Variants in EPRS1 observed in about 807,000 individuals in gnomAD.
The protein encoded by EPRS1 is glutamyl-prolyl-tRNA synthetase 1.
In EPRS1, 107 loss-of-function variants were observed where a neutral mutation model predicts 188.3. The ratio of observed to expected loss-of-function variants is 0.57; its 90% CI spans 0.49 to 0.67. The LOEUF is 0.67. Ranked by LOEUF, EPRS1 falls within the 30% of genes least tolerant of loss-of-function variation. EPRS1 has a pLI of 0.00. For synonymous variants in EPRS1, 596 were observed against 593.1 expected (o/e 1.00, Z -0.07); for missense variants, 1,577 against 1,802.2 (o/e 0.88, Z 2.26).
At chr1:220,030,575 G>A (rs558858728) in intron 5 of EPRS1, 95 bp from the exon 6 acceptor site, 9 of 820,362 alleles carry the variant, frequency 1.1e-5, no homozygotes, top group Non-Finnish European at 1.9e-5. Flanking sequence ...TACACACACT[G>A]GTTATGAAAA....
chr1:220,025,664 C>T (rs1661957301), intron 6 of EPRS1, among the ~76,000 whole-genome samples: 1 of 152,168 alleles, frequency 6.6e-6, no homozygotes, highest in Admixed American at 6.5e-5. Flanking sequence ...GAACTGGGTG[C>T]CCACCTATGC....
chr1:220,038,160 G>T (rs1662223259), intron 2 of EPRS1, among the ~76,000 whole-genome samples: 1 of 146,382 alleles, frequency 6.8e-6, no homozygotes, highest in South Asian at 2.1e-4. Context: ...TCAGCTCACT[G>T]CAACCTCCAC....
At chr1:220,004,032 ATGTT>A (rs1260432022) in intron 16 of EPRS1, among the ~76,000 whole-genome samples, 3 of 151,976 alleles carry the variant, frequency 2.0e-5, no homozygotes, top group South Asian at 2.1e-4. Context: ...ACTAACAACA[ATGTT>A]TGTTTGTTTT....
chr1:219,983,048 C>A, intron 22 of EPRS1, 141 bp downstream of exon 22: 1 of 753,568 alleles, frequency 1.3e-6, no homozygotes, highest in South Asian at 1.9e-5. Flanking sequence ...GTAACAAAAT[C>A]ATTACTTGCT....
chr1:220,029,718 G>A (rs1009802061), intron 6 of EPRS1, among the ~76,000 whole-genome samples: 3 of 152,192 alleles, frequency 2.0e-5, no homozygotes, highest in Non-Finnish European at 4.4e-5. Context: ...TTGGAAGGAC[G>A]CTATTATAAA....
At chr1:220,038,241 C>A (rs1336895548) in intron 2 of EPRS1, among the ~76,000 whole-genome samples, 2 of 151,806 alleles carry the variant, frequency 1.3e-5, no homozygotes, top group Admixed American at 6.6e-5. Context: ...CACAACCATG[C>A]CCGGCAAGTT....
Position 219,996,976 on chromosome 1 carries a change from T to C in EPRS1, c.2541+7A>G. The C allele has an allele frequency of 1.9e-6, 3 of 1,576,534 alleles. No homozygotes were observed. The highest frequency in any genetic ancestry group is 2.6e-6 in the Non-Finnish European group (3 of 1,165,876). ...AATGTGGTCTTGACTTTCTCTAACA[T>C]ACTGACCTTAGGGGATTTTTCAGCT... On this transcript the variant is annotated splice_region_variant and intron_variant, in intron 18 of 31. Transcript: ENST00000366923.
At chr1:220,038,795 A>G (rs1662240197) in intron 2 of EPRS1, among the ~76,000 whole-genome samples, 1 of 152,136 alleles carries the variant, frequency 6.6e-6, no homozygotes, top group South Asian at 2.1e-4. Flanking sequence ...AGGGAGCAAC[A>G]TTAAAGGAAG....
At chr1:219,997,449 A>G in intron 17 of EPRS1, 107 bp from the exon 18 acceptor site, 1 of 984,346 alleles carries the variant, frequency 1.0e-6, no homozygotes, top group East Asian at 2.7e-5. Flanking sequence ...TAAAAACAGA[A>G]ACTTTAAACT....
At chr1:220,031,584 G>C (rs1029672288) in intron 5 of EPRS1, among the ~76,000 whole-genome samples, 6 of 152,208 alleles carry the variant, frequency 3.9e-5, no homozygotes, top group African/African-American at 7.2e-5. Context: ...CTTTATCCAA[G>C]TAGACAGTAG....
chr1:220,032,059 C>T (rs563087466), intron 5 of EPRS1, among the ~76,000 whole-genome samples: 1 of 151,812 alleles, frequency 6.6e-6, no homozygotes, highest in Non-Finnish European at 1.5e-5. Flanking sequence ...GACCTAGGGC[C>T]TCAGACAGAC....
intron 30 of EPRS1, among the ~76,000 whole-genome samples, chr1:219,969,828 ATTT>A (rs570999239): frequency 6.6e-6 from 1 of 150,402 alleles, no homozygotes; most frequent in Non-Finnish European, 1.5e-5. Context: ...TTAAAAAAAA[ATTT>A]TTTTTTTGAG....
intron 5 of EPRS1, among the ~76,000 whole-genome samples, chr1:220,031,841 G>C (rs1662089059): frequency 6.6e-6 from 1 of 151,834 alleles, no homozygotes; most frequent in African/African-American, 2.4e-5. Context: ...AATTAATGAG[G>C]TTTTATTTAT....
chr1:220,011,075 C>A lies in EPRS1; in HGVS notation c.1495-19G>T. Reference sequence around the variant, plus strand: ...CAATAACCTGCAACAAATACATCCTCATGTTAAAACACTGCGATATCTTAT... The same window carrying A: ...CAATAACCTGCAACAAATACATCCTAATGTTAAAACACTGCGATATCTTAT... On this transcript the variant is annotated intron_variant, in intron 12 of 31. Coordinates refer to ENST00000366923, the MANE Select transcript of EPRS1 (RefSeq NM_004446.3). 1 of 1,333,172 alleles carries A rather than the reference C, an allele frequency of 7.5e-7. No individual in the cohort carries two copies. The highest frequency in any genetic ancestry group is 1.2e-5 in the South Asian group (1 of 85,168). 82.6% of individuals were successfully genotyped at this position (1,333,172 alleles called of 1,614,324 possible). A position where few individuals can be genotyped will look rare whatever the true frequency, so the allele number is the denominator to read the frequency against.
At position 220,018,471 on chromosome 1, in the gene EPRS1, T is replaced by C; in HGVS notation, c.1472A>G (p.Lys491Arg). Reference protein sequence around the residue: ...SRSVVNMEWDKIWAFNKKVID... With the variant: ...SRSVVNMEWDRIWAFNKKVID... Reference sequence around the variant, plus strand: ...TACCTTTTTGTTAAACGCCCAGATTTTGTCCCACTCCATGTTCACGACTGA... The same window carrying C: ...TACCTTTTTGTTAAACGCCCAGATTCTGTCCCACTCCATGTTCACGACTGA... Residue 491 changes from lysine (K) to arginine (R), a missense_variant, in exon 12 of 32, where the codon AAA (lysine) becomes AGA (arginine). This residue lies in a region of EPRS1 where 1,278 missense variants were observed against 1,457.4 expected (regional missense o/e 0.88). Transcript: ENST00000366923. The C allele has an allele frequency of 1.2e-6, 2 of 1,612,446 alleles. No homozygotes were observed. Among genetic ancestry groups the C allele is most frequent in the Non-Finnish European group, 8.5e-7 (1 of 1,179,294 alleles).
chr1:219,984,323 A>G (rs1558045072), intron 20 of EPRS1, 66 bp from the exon 21 acceptor site: 1 of 1,127,928 alleles, frequency 8.9e-7, no homozygotes, highest in East Asian at 2.3e-5. Flanking sequence ...GAATAAAAAT[A>G]AACCTCTAAA....
At chr1:219,975,593 A>C (rs951399448) in intron 28 of EPRS1, among the ~76,000 whole-genome samples, 5 of 151,794 alleles carry the variant, frequency 3.3e-5, no homozygotes, top group African/African-American at 1.2e-4. Context: ...CCCACCACAA[A>C]GCCCATCTAA....
intron 30 of EPRS1, among the ~76,000 whole-genome samples, chr1:219,970,776 C>CAA (rs1571825732): frequency 1.7e-5 from 1 of 59,932 alleles, no homozygotes; most frequent in Non-Finnish European, 3.7e-5. Context: ...AGACCCTGTA[C>CAA]CAAAAAAAAA....
intron 16 of EPRS1, among the ~76,000 whole-genome samples, chr1:220,002,033 G>GA (rs554209692): frequency 0.025 from 3,331 of 135,188 alleles, 63 homozygotes; most frequent in East Asian, 0.086. Context: ...TGTCTCCAAA[G>GA]AAAAAAAAAA....
Sources: allele counts gnomAD v4.1 joint callset (sites outside exome capture counted in the v4.1 genomes callset), GRCh38; gene constraint gnomAD v4.1.1; regional missense constraint gnomAD v4.1.1; transcripts MANE v1.5; gene names NCBI Gene and HGNC (gene_info 2026-07-23, HGNC 2026-07-21).